Variants in UPP2 observed in about 807,000 individuals in gnomAD.
The protein encoded by UPP2 is uridine phosphorylase 2, also known as UPase 2.
UPP2 carries 23 observed loss-of-function variants against 26.7 expected under a neutral mutation model. The ratio of observed to expected loss-of-function variants is 0.86; its 90% CI spans 0.62 to 1.22. UPP2 has a LOEUF of 1.22. Ranked by LOEUF, UPP2 falls within the 50% of genes most tolerant of loss-of-function variation. The pLI is 0.00. For missense variants in UPP2, 387 were observed against 396.7 expected (o/e 0.98, Z 0.21); for synonymous variants, 127 against 141.3 (o/e 0.90, Z 0.72).
At chr2:158,051,756 G>A (rs62177876) in intron 3 of UPP2, among the ~76,000 whole-genome samples, 93,565 of 151,374 alleles carry the variant, frequency 0.62, 29,797 homozygotes, top group Admixed American at 0.71. Context: ...ACTCCAGCCC[G>A]GGCAACAGGG....
chr2:158,070,212 T>C (rs1264965931), intron 3 of UPP2, among the ~76,000 whole-genome samples: 1 of 152,206 alleles, frequency 6.6e-6, no homozygotes, highest in East Asian at 1.9e-4. Context: ...CTTTCCCTTG[T>C]CCAAATTACC....
chr2:158,092,712 G>A (rs1312363879), intron 3 of UPP2, among the ~76,000 whole-genome samples: 2 of 152,182 alleles, frequency 1.3e-5, no homozygotes, highest in African/African-American at 2.4e-5. Flanking sequence ...AGGAAGGGAT[G>A]AAAACAAGAT....
intron 3 of UPP2, among the ~76,000 whole-genome samples, chr2:158,090,397 A>C (rs1460253186): frequency 6.6e-6 from 1 of 152,126 alleles, no homozygotes; most frequent in Non-Finnish European, 1.5e-5. Context: ...GCTACTCCGG[A>C]GGCTGAGGCA....
At chr2:158,033,489 C>A (rs1435962175) in intron 3 of UPP2, among the ~76,000 whole-genome samples, 3 of 152,112 alleles carry the variant, frequency 2.0e-5, no homozygotes, top group African/African-American at 7.2e-5. Context: ...CAGAAGGGAT[C>A]TTCCAGGGAG....
chr2:158,082,376 C>A (rs1682741252), intron 3 of UPP2, among the ~76,000 whole-genome samples: 1 of 152,164 alleles, frequency 6.6e-6, no homozygotes, highest in African/African-American at 2.4e-5. Flanking sequence ...TTCCCTAAGT[C>A]CCTAAAGTCC....
intron 3 of UPP2, among the ~76,000 whole-genome samples, chr2:158,084,181 T>A (rs995435968): frequency 3.9e-5 from 6 of 152,028 alleles, no homozygotes; most frequent in African/African-American, 1.2e-4. Flanking sequence ...ATTATTTTTT[T>A]ATTTTTTAAT....
At chr2:158,033,497 G>C (rs1334070277) in intron 3 of UPP2, among the ~76,000 whole-genome samples, 1 of 152,134 alleles carries the variant, frequency 6.6e-6, no homozygotes, top group African/African-American at 2.4e-5. Context: ...ATCTTCCAGG[G>C]AGCTTGAGGG....
intron 3 of UPP2, among the ~76,000 whole-genome samples, chr2:158,075,928 C>T (rs539580563): frequency 6.6e-6 from 1 of 151,074 alleles, no homozygotes; most frequent in East Asian, 1.9e-4. Flanking sequence ...AATTGAGAAA[C>T]CTTTAGCAAG....
intron 3 of UPP2, among the ~76,000 whole-genome samples, chr2:158,086,049 A>C (rs988006433): frequency 2.0e-5 from 3 of 151,822 alleles, no homozygotes; most frequent in Non-Finnish European, 4.4e-5. Flanking sequence ...CTTTTTCTCT[A>C]TCTTGTGGAA....
At chr2:158,114,968 A>C (rs893096312) in intron 2 of UPP2, 133 bp from the exon 3 acceptor site, 17 of 820,022 alleles carry the variant, frequency 2.1e-5, no homozygotes, top group Non-Finnish European at 2.5e-5. Context: ...AATTCATGGA[A>C]CATAAACCAT....
upstream of UPP2, among the ~76,000 whole-genome samples, chr2:158,101,422 T>A: frequency 6.6e-6 from 1 of 152,226 alleles, no homozygotes; most frequent in East Asian, 1.9e-4. Flanking sequence ...TATCAGTTCT[T>A]CTGTGTGAAC....
intron 3 of UPP2, among the ~76,000 whole-genome samples, chr2:158,036,155 C>T (rs2105160158): frequency 6.6e-6 from 1 of 152,288 alleles, no homozygotes; most frequent in South Asian, 2.1e-4. Context: ...AAATTAGATA[C>T]ATTATCATTA....
intron 1 of UPP2, among the ~76,000 whole-genome samples, chr2:158,105,532 CAGA>C (rs1558932487): frequency 6.6e-6 from 1 of 152,170 alleles, no homozygotes; most frequent in Non-Finnish European, 1.5e-5. Context: ...TCAGAATTTC[CAGA>C]AGAAGAGTCC....
At chr2:157,996,492 C>T (rs143640024) in intron 2 of UPP2, among the ~76,000 whole-genome samples, 18 of 152,092 alleles carry the variant, frequency 1.2e-4, no homozygotes, top group Non-Finnish European at 2.5e-4. Flanking sequence ...TTTGGGGTCT[C>T]TAAAATGACT....
intron 6 of UPP2, among the ~76,000 whole-genome samples, chr2:158,131,987 G>C (rs1683828639): frequency 6.6e-6 from 1 of 152,142 alleles, no homozygotes; most frequent in Non-Finnish European, 1.5e-5. Context: ...AAAAAGTATA[G>C]AGCACTGGTT....
intron 3 of UPP2, among the ~76,000 whole-genome samples, chr2:158,054,370 G>C (rs948611781): frequency 2.1e-5 from 3 of 140,234 alleles, no homozygotes; most frequent in Non-Finnish European, 4.5e-5. Flanking sequence ...TTTTTGCTTT[G>C]TTGGTTATTT....
rs1683903680 is a variant in UPP2, at chr2:158,135,057, T to C, written c.*167T>C. On this transcript the variant is annotated 3_prime_UTR_variant, in exon 7 of 7. Coordinates refer to ENST00000005756, the MANE Select transcript of UPP2 (RefSeq NM_173355.4). ...TAAAAAGGAATTTATTGTAAAAGAA[T>C]ACTCACACTAAATTAAATTCAAATT... The C allele has an allele frequency of 8.0e-6, 6 of 750,780 alleles. No homozygotes were observed. In the South Asian group the frequency reaches 2.0e-4, roughly 25 times the overall value. 46.5% of individuals were successfully genotyped at this position (750,780 alleles called of 1,614,324 possible). A position where few individuals can be genotyped will look rare whatever the true frequency, so the allele number is the denominator to read the frequency against.
intron 6 of UPP2, among the ~76,000 whole-genome samples, chr2:158,132,547 T>G (rs1289813113): frequency 6.6e-6 from 1 of 152,204 alleles, no homozygotes; most frequent in Non-Finnish European, 1.5e-5. Context: ...GCTTGGCATG[T>G]AGCAATAACT....
intron 6 of UPP2, among the ~76,000 whole-genome samples, chr2:158,131,310 T>A (rs1219855491): frequency 1.3e-5 from 2 of 152,190 alleles, no homozygotes; most frequent in East Asian, 3.9e-4. Flanking sequence ...AGCCCTGCTA[T>A]CTTTGCCCAC....
Sources: gnomAD v4.1 joint callset for allele counts (sites outside exome capture counted in the v4.1 genomes callset) on GRCh38, gnomAD v4.1.1 for gene constraint, MANE v1.5 for transcripts, NCBI Gene and HGNC (gene_info 2026-07-23, HGNC 2026-07-21) for gene names.